Variants in CLEC4C observed in about 807,000 individuals in gnomAD.
CLEC4C encodes C-type lectin domain family 4 member C.
A neutral mutation model predicts 27.7 loss-of-function variants in CLEC4C; 17 were observed. That is an observed-to-expected ratio of 0.61 (90% confidence interval 0.42 to 0.92). CLEC4C has a LOEUF of 0.92. Ranked by LOEUF, CLEC4C falls within the 40% of genes least tolerant of loss-of-function variation. CLEC4C has a pLI of 0.00. For missense variants in CLEC4C, 244 were observed against 257.3 expected (o/e 0.95, Z 0.35); for synonymous variants, 80 against 80.8 (o/e 0.99, Z 0.06).
At chr12:7,736,847 G>T (rs1268190670) in intron 4 of CLEC4C, among the ~76,000 whole-genome samples, 2 of 151,962 alleles carry the variant, frequency 1.3e-5, no homozygotes, top group African/African-American at 4.8e-5. Context: ...AGCTTGCAGT[G>T]AGCTGAGATT....
At chr12:7,737,325 T>C in intron 4 of CLEC4C, 104 bp downstream of exon 4, 2 of 335,694 alleles carry the variant, frequency 6.0e-6, no homozygotes. Flanking sequence ...TACCCAGAAG[T>C]TTTTTTTTTT....
At chr12:7,742,685 TA>T in intron 2 of CLEC4C, among the ~76,000 whole-genome samples, 2 of 148,780 alleles carry the variant, frequency 1.3e-5, no homozygotes, top group African/African-American at 5.0e-5. Flanking sequence ...GACACGTGTC[TA>T]TTAATCCCAG....
intron 1 of CLEC4C, 83 bp from the exon 2 acceptor site, chr12:7,746,506 T>C: frequency 1.2e-6 from 1 of 819,352 alleles, no homozygotes; most frequent in Non-Finnish European, 2.0e-6. Context: ...AATCTTAGAA[T>C]AATAAAGTCA....
intron 4 of CLEC4C, among the ~76,000 whole-genome samples, chr12:7,731,861 T>C (rs1208935850): frequency 1.3e-5 from 2 of 152,080 alleles, no homozygotes; most frequent in African/African-American, 4.8e-5. Context: ...GGCTGAGGCA[T>C]GAGAATCGCC....
chr12:7,730,560 A>G (rs1205945086), intron 5 of CLEC4C, among the ~76,000 whole-genome samples: 1 of 151,870 alleles, frequency 6.6e-6, no homozygotes, highest in Non-Finnish European at 1.5e-5. Context: ...GAATCACTTG[A>G]ACCCAGGAGG....
At chr12:7,738,767 T>C (rs1427894942) in intron 3 of CLEC4C, among the ~76,000 whole-genome samples, 1 of 152,170 alleles carries the variant, frequency 6.6e-6, no homozygotes, top group Non-Finnish European at 1.5e-5. Flanking sequence ...TGCCCTGAAG[T>C]GCTGGAATTA....
rs373486650 is a variant in CLEC4C, at chr12:7,740,954, C to T, written c.235+467G>A. 4.0e-3 allele frequency among the ~76,000 whole-genome samples: 610 copies of T among 151,734 alleles called. 8 individuals are homozygous for T. The South Asian group carries it at 0.04, about 10-fold the overall frequency. ...CTTCTGGGTTTACACCATTCTCCTG[C>T]CTCAGCCTCCCGAGTAGCTGGGACT... On this transcript the variant is annotated intron_variant, in intron 3 of 5. Coordinates refer to ENST00000360345, the MANE Select transcript of CLEC4C (RefSeq NM_001371390.1).
In CLEC4C at chr12:7,729,695, C is replaced by A. The variant is rs267603690; in HGVS notation, c.543G>T (p.Ala181=). The A allele has an allele frequency of 2.5e-6, 4 of 1,613,560 alleles. No homozygotes were observed. In the African/African-American group the frequency reaches 5.3e-5, roughly 22 times the overall value. ...CTTCTGAAGAACGGAAATTTATTAT[C>A]GCACAACGCTCATCAAGGTTATTGG... ...GEPNNLDERC[A]IINFRSSEEW... Residue 181 remains alanine (A), a synonymous_variant, in exon 6 of 6, where the codon GCG becomes GCT. Coordinates refer to ENST00000360345, the MANE Select transcript of CLEC4C (RefSeq NM_001371390.1).
intron 2 of CLEC4C, among the ~76,000 whole-genome samples, chr12:7,745,729 GGC>G (rs1864960002): frequency 6.6e-6 from 1 of 151,656 alleles, no homozygotes; most frequent in African/African-American, 2.4e-5. Flanking sequence ...TACCACGCCT[GGC>G]CCAGTCTATG....
intron 2 of CLEC4C, among the ~76,000 whole-genome samples, chr12:7,743,235 A>G (rs1864897492): frequency 6.6e-6 from 1 of 152,194 alleles, no homozygotes; most frequent in South Asian, 2.1e-4. Flanking sequence ...TGTAACTGTA[A>G]GTAAACCATT....
In CLEC4C at chr12:7,737,542, A is replaced by C; in HGVS notation, c.268T>G (p.Phe90Val). ...WSCCPTPWTS[F>V]QSSCYFISTG... ...GAAATAAAGTAGCAACTAGACTGAA[A>C]TGAAGTCCAAGGGGTTGGGCAGCAG... The change falls in exon 4 of 6, where the codon TTT becomes GTT. Residue 90 changes from phenylalanine to valine, a missense_variant. Coordinates refer to ENST00000360345, the MANE Select transcript of CLEC4C (RefSeq NM_001371390.1). 2 of 1,614,030 alleles carry C rather than the reference A, an allele frequency of 1.2e-6. No individual in the cohort carries two copies. The highest frequency in any genetic ancestry group is 1.1e-5 in the South Asian group (1 of 91,076).
rs188108129 is a variant in CLEC4C, at chr12:7,742,345, T to C, written c.125-814A>G. Among the ~76,000 whole-genome samples, 494 of 151,520 alleles carry C rather than the reference T, an allele frequency of 3.3e-3. 4 individuals are homozygous for C. The highest frequency in any genetic ancestry group is 0.011 in the African/African-American group (457 of 41,292). ...CCAGCCAACATGGTGAAACCCTGTTTCTACTAAAAATACAAAAATTAGGTG... is the reference window on the plus strand; with the variant it reads ...CCAGCCAACATGGTGAAACCCTGTTCCTACTAAAAATACAAAAATTAGGTG... On this transcript the variant is annotated intron_variant, in intron 2 of 5. Transcript: ENST00000360345.
At chr12:7,748,251 G>A (rs1431911932), upstream of CLEC4C, among the ~76,000 whole-genome samples, 2 of 152,136 alleles carry the variant, frequency 1.3e-5, no homozygotes, top group Non-Finnish European at 2.9e-5. Context: ...TTTTGAGCTG[G>A]GCACGGTGGC....
chr12:7,748,981 G>C (rs1287861037), upstream of CLEC4C: 1 of 152,220 alleles, frequency 6.6e-6, no homozygotes, highest in Non-Finnish European at 1.5e-5. Context: ...AGAATTGGTA[G>C]ATGGTTTGCT....
chr12:7,737,853 C>T (rs1168832036), intron 3 of CLEC4C, among the ~76,000 whole-genome samples: 3 of 151,756 alleles, frequency 2.0e-5, no homozygotes, highest in East Asian at 1.9e-4. Flanking sequence ...TACTGCAGTA[C>T]GAAAGCAACC....
At chr12:7,747,922 CA>C (rs36046177), upstream of CLEC4C, among the ~76,000 whole-genome samples, 291 of 104,894 alleles carry the variant, frequency 2.8e-3, no homozygotes, top group Middle Eastern at 0.011. Flanking sequence ...ACTCCATCTC[CA>C]AAAAAAAAAA....
At chr12:7,734,926 C>G (rs949564861) in intron 4 of CLEC4C, among the ~76,000 whole-genome samples, 2 of 152,000 alleles carry the variant, frequency 1.3e-5, no homozygotes, top group Non-Finnish European at 2.9e-5. Context: ...ATAGGCCAGG[C>G]ATGGTGTCTC....
intron 3 of CLEC4C, among the ~76,000 whole-genome samples, chr12:7,741,118 G>A (rs959963281): frequency 6.6e-6 from 1 of 152,074 alleles, no homozygotes; most frequent in Non-Finnish European, 1.5e-5. Flanking sequence ...TTGAGCCACC[G>A]CGCCCGGACT....
upstream of CLEC4C, among the ~76,000 whole-genome samples, chr12:7,747,922 C>CCAA (rs1555106683): frequency 9.5e-6 from 1 of 104,914 alleles, no homozygotes; most frequent in African/African-American, 3.8e-5. Context: ...ACTCCATCTC[C>CCAA]AAAAAAAAAA....
Sources: allele counts gnomAD v4.1 joint callset (sites outside exome capture counted in the v4.1 genomes callset), GRCh38; gene constraint gnomAD v4.1.1; transcripts MANE v1.5; gene names NCBI Gene and HGNC (gene_info 2026-07-23, HGNC 2026-07-21).